TNFRSF21: variants seen among roughly 807,000 people sequenced by gnomAD.
TNFRSF21 encodes TNF receptor superfamily member 21.
Under a neutral mutation model 45.6 loss-of-function variants are expected in TNFRSF21, and 19 were observed. The ratio of observed to expected loss-of-function variants is 0.42; its 90% CI spans 0.29 to 0.61. The LOEUF (loss-of-function observed/expected upper bound fraction) is 0.61, where lower values mean the gene tolerates loss of function less well. TNFRSF21 is among the 20% of genes least tolerant of loss of function. The pLI is 0.23. For missense variants in TNFRSF21, 737 were observed against 851.5 expected (o/e 0.87, Z 1.67); for synonymous variants, 314 against 335.5 (o/e 0.94, Z 0.70).
intron 2 of TNFRSF21, among the ~76,000 whole-genome samples, chr6:47,284,748 G>C (rs533635034): frequency 3.3e-5 from 5 of 152,320 alleles, no homozygotes; most frequent in Admixed American, 6.5e-5. Flanking sequence ...TATGTGCAGA[G>C]ATCTAATCAA....
intron 3 of TNFRSF21, among the ~76,000 whole-genome samples, chr6:47,267,525 T>G (rs1235644058): frequency 1.6e-4 from 25 of 152,160 alleles, no homozygotes; most frequent in Admixed American, 1.6e-3. Context: ...ACTCATACAT[T>G]TTGACCCTAG....
At chr6:47,233,207 A>G (rs1284703319) in intron 5 of TNFRSF21, among the ~76,000 whole-genome samples, 1 of 152,178 alleles carries the variant, frequency 6.6e-6, no homozygotes, top group Non-Finnish European at 1.5e-5. Context: ...AAGATAGCAA[A>G]CAAGATTTGC....
At position 47,233,756 on chromosome 6, in the gene TNFRSF21, A is replaced by C. The variant is rs1396604178; in HGVS notation, c.1739-762T>G. Among the ~76,000 whole-genome samples the C allele has an allele frequency of 4.6e-5, 7 of 151,760 alleles. No individual in the cohort carries two copies. In the East Asian group the frequency reaches 1.4e-3, roughly 29 times the overall value. The stretch of plus-strand genomic sequence containing the variant: ...AATATGTAAATATAACATTTTATAA[A>C]TACGTAAAATATCAAATATAACCCT... On this transcript the variant is annotated intron_variant, in intron 5 of 5. Transcript: ENST00000296861.
intron 3 of TNFRSF21, 129 bp downstream of exon 3, chr6:47,283,809 T>C: frequency 8.5e-7 from 1 of 1,175,974 alleles, no homozygotes; most frequent in African/African-American, 1.5e-5. Context: ...ATAACACGAC[T>C]AGATCAAGTA....
intron 4 of TNFRSF21, among the ~76,000 whole-genome samples, chr6:47,248,621 GA>G (rs1764855933): frequency 6.6e-6 from 1 of 152,198 alleles, no homozygotes; most frequent in African/African-American, 2.4e-5. Context: ...GCCAGCCTAG[GA>G]ACATGTGCTC....
chr6:47,239,756 T>C (rs1489724472), intron 4 of TNFRSF21, among the ~76,000 whole-genome samples: 1 of 152,212 alleles, frequency 6.6e-6, no homozygotes, highest in African/African-American at 2.4e-5. Flanking sequence ...GTCTCACTTC[T>C]AACCTAAATA....
intron 3 of TNFRSF21, among the ~76,000 whole-genome samples, chr6:47,263,530 CAG>C (rs1022382707): frequency 3.9e-5 from 6 of 152,100 alleles, no homozygotes; most frequent in African/African-American, 1.4e-4. Context: ...GCCATGGAAA[CAG>C]AGAAGAAACA....
At chr6:47,285,055 T>G (rs575567986) in intron 2 of TNFRSF21, among the ~76,000 whole-genome samples, 2 of 152,232 alleles carry the variant, frequency 1.3e-5, no homozygotes, top group East Asian at 3.9e-4. Flanking sequence ...GAATTTTGAG[T>G]CCCAAGAGAC....
At chr6:47,273,433 C>A (rs1762455039) in intron 3 of TNFRSF21, among the ~76,000 whole-genome samples, 1 of 152,148 alleles carries the variant, frequency 6.6e-6, no homozygotes, top group African/African-American at 2.4e-5. Flanking sequence ...TCAATAGATG[C>A]AGAAAAGGCC....
intron 3 of TNFRSF21, among the ~76,000 whole-genome samples, chr6:47,283,630 T>C (rs1033629146): frequency 1.1e-4 from 16 of 152,276 alleles, no homozygotes; most frequent in Admixed American, 9.8e-4. Flanking sequence ...CTCTCTAAAC[T>C]CAAATTTCTC....
At chr6:47,282,156 C>T (rs1292445932) in intron 3 of TNFRSF21, among the ~76,000 whole-genome samples, 8 of 152,038 alleles carry the variant, frequency 5.3e-5, no homozygotes, top group Non-Finnish European at 7.4e-5. Context: ...GAGGCCGAGG[C>T]GGGCGGATCA....
chr6:47,282,301 C>T (rs1295456863), intron 3 of TNFRSF21, among the ~76,000 whole-genome samples: 2 of 149,308 alleles, frequency 1.3e-5, no homozygotes, highest in Admixed American at 6.8e-5. Context: ...AGGAGAATCG[C>T]TTGAACCTGG....
At chr6:47,254,854 T>C (rs114428236) in intron 3 of TNFRSF21, among the ~76,000 whole-genome samples, 1 of 152,220 alleles carries the variant, frequency 6.6e-6, no homozygotes, top group Admixed American at 6.5e-5. Context: ...AACATCTTTA[T>C]AAGGCATTAA....
intron 2 of TNFRSF21, among the ~76,000 whole-genome samples, chr6:47,285,445 C>T (rs953266382): frequency 1.3e-5 from 2 of 152,140 alleles, no homozygotes; most frequent in Admixed American, 1.3e-4. Context: ...AACTTTCCTA[C>T]CCATTCTTTG....
At chr6:47,290,329 C>T (rs1394439992) in intron 1 of TNFRSF21, among the ~76,000 whole-genome samples, 1 of 152,118 alleles carries the variant, frequency 6.6e-6, no homozygotes, top group African/African-American at 2.4e-5. Context: ...GTCAGACACA[C>T]CCACACACAC....
intron 3 of TNFRSF21, among the ~76,000 whole-genome samples, chr6:47,259,770 G>A (rs1057396504): frequency 2.0e-5 from 3 of 152,276 alleles, no homozygotes; most frequent in East Asian, 1.9e-4. Context: ...CTATACATCC[G>A]AGGCTGTACT....
chr6:47,273,904 T>C lies in TNFRSF21; in HGVS notation c.1243+10034A>G, dbSNP rs181972639. ...CCATTCACAATTGCTATAAAGAAAA[T>C]AAAATACCTAGGAATCCAACTTACA... On this transcript the variant is annotated intron_variant, in intron 3 of 5. Coordinates refer to ENST00000296861, the MANE Select transcript of TNFRSF21 (RefSeq NM_014452.5). 2.0e-5 allele frequency among the ~76,000 whole-genome samples: 3 copies of C among 151,786 alleles called. No individual in the cohort carries two copies. The East Asian group carries it at 5.8e-4, about 29-fold the overall frequency.
At chr6:47,276,316 A>G (rs1346175321) in intron 3 of TNFRSF21, among the ~76,000 whole-genome samples, 3 of 152,212 alleles carry the variant, frequency 2.0e-5, no homozygotes, top group African/African-American at 4.8e-5. Flanking sequence ...AGAAAATACA[A>G]GGACAGCTGC....
chr6:47,274,496 G>T (rs1243457711), intron 3 of TNFRSF21, among the ~76,000 whole-genome samples: 3 of 152,134 alleles, frequency 2.0e-5, no homozygotes, highest in South Asian at 2.1e-4. Context: ...ATTCAACATG[G>T]ATTAAAGATT....
Sources: allele counts gnomAD v4.1 joint callset (sites outside exome capture counted in the v4.1 genomes callset), GRCh38; gene constraint gnomAD v4.1.1; transcripts MANE v1.5; gene names NCBI Gene and HGNC (gene_info 2026-07-23, HGNC 2026-07-21).